The following MICAL2 variants were observed in gnomAD, a reference collection of about 807,000 sequenced individuals.
MICAL2 encodes the protein microtubule associated monooxygenase, calponin and LIM domain containing 2, also known as [F-actin]-monooxygenase MICAL2.
A neutral mutation model predicts 127.3 loss-of-function variants in MICAL2; 77 were observed. The observed-to-expected ratio is 0.60, with a 90% CI of 0.50 to 0.73. The LOEUF (loss-of-function observed/expected upper bound fraction) is 0.73. MICAL2 is among the 30% of genes least tolerant of loss of function. The pLI is 0.00. For synonymous variants in MICAL2, 570 were observed against 551.1 expected (o/e 1.03, Z -0.48); for missense variants, 1,351 against 1,434.4 (o/e 0.94, Z 0.94).
At chr11:12,305,530 TA>T (rs1328490586) in intron 29 of MICAL2, among the ~76,000 whole-genome samples, 1 of 152,200 alleles carries the variant, frequency 6.6e-6, no homozygotes, top group Non-Finnish European at 1.5e-5. Context: ...ATACCTATGA[TA>T]AAATTTAACT....
intron 1 of MICAL2, among the ~76,000 whole-genome samples, chr11:12,127,291 C>T (rs1851008148): frequency 6.6e-6 from 1 of 152,164 alleles, no homozygotes; most frequent in African/African-American, 2.4e-5. Context: ...TCTTCTTAGG[C>T]ATTTTACATG....
At chr11:12,276,166 G>C (rs997450228) in exon 1 of MICAL2, 21 of 399,178 alleles carry the variant, frequency 5.3e-5, no homozygotes, top group Non-Finnish European at 9.3e-5. Context: ...GAAGACAGCA[G>C]GTATGCTCAG....
At chr11:12,265,892 G>A (rs567292247), downstream of MICAL2, among the ~76,000 whole-genome samples, 2 of 152,266 alleles carry the variant, frequency 1.3e-5, no homozygotes, top group South Asian at 4.1e-4. Flanking sequence ...GAGGCGGGCA[G>A]ATCACTTGAG....
chr11:12,265,797 G>C (rs531441966), downstream of MICAL2, among the ~76,000 whole-genome samples: 1 of 152,242 alleles, frequency 6.6e-6, no homozygotes, highest in African/African-American at 2.4e-5. Flanking sequence ...ATTCCTACTT[G>C]GTTTTTAAAG....
intron 3 of MICAL2, among the ~76,000 whole-genome samples, chr11:12,169,181 A>T (rs1855933950): frequency 6.6e-6 from 1 of 151,788 alleles, no homozygotes; most frequent in African/African-American, 2.4e-5. Context: ...TGTGTTATGG[A>T]TGCATGCACT....
chr11:12,190,602 GT>G (rs1156920697), intron 3 of MICAL2, among the ~76,000 whole-genome samples: 2 of 152,188 alleles, frequency 1.3e-5, no homozygotes, highest in Admixed American at 1.3e-4. Flanking sequence ...CATATGTTAG[GT>G]GACAATATCT....
chr11:12,210,761 T>C (rs1291492543), intron 6 of MICAL2, among the ~76,000 whole-genome samples: 1 of 152,192 alleles, frequency 6.6e-6, no homozygotes, highest in East Asian at 1.9e-4. Flanking sequence ...ATGGAGCCAT[T>C]TGAGCCACTC....
At chr11:12,206,075 A>G (rs754419750) in intron 4 of MICAL2, among the ~76,000 whole-genome samples, 2 of 152,240 alleles carry the variant, frequency 1.3e-5, no homozygotes, top group Non-Finnish European at 2.9e-5. Context: ...CCAGGAGTCC[A>G]GTGGAAATTT....
intron 2 of MICAL2, among the ~76,000 whole-genome samples, chr11:12,283,327 G>A (rs1324583913): frequency 2.1e-5 from 3 of 139,860 alleles, no homozygotes; most frequent in Non-Finnish European, 3.0e-5. Flanking sequence ...AAGACTCCTG[G>A]TTGCAGTGTG....
At chr11:12,182,769 C>T (rs1159698989) in intron 3 of MICAL2, among the ~76,000 whole-genome samples, 1 of 152,138 alleles carries the variant, frequency 6.6e-6, no homozygotes, top group Non-Finnish European at 1.5e-5. Flanking sequence ...CCTTTCTGAC[C>T]CTCCTCCCAC....
At chr11:12,342,769 C>T (rs1024357719) in intron 32 of MICAL2, among the ~76,000 whole-genome samples, 2 of 152,196 alleles carry the variant, frequency 1.3e-5, no homozygotes, top group Admixed American at 6.5e-5. Flanking sequence ...GGCAGACAGA[C>T]GTGAGGTTAC....
intron 3 of MICAL2, among the ~76,000 whole-genome samples, chr11:12,199,984 T>C (rs1860477230): frequency 6.6e-6 from 1 of 152,136 alleles, no homozygotes; most frequent in Non-Finnish European, 1.5e-5. Flanking sequence ...AATCTGCAAA[T>C]GTGAACCCCC....
intron 24 of MICAL2, chr11:12,257,201 C>T: frequency 2.1e-6 from 1 of 470,306 alleles, no homozygotes; most frequent in Non-Finnish European, 3.7e-6. Flanking sequence ...CATACCAGGT[C>T]CTGGTGGGCA....
At chr11:12,360,775 G>A (rs1939194599), downstream of MICAL2, among the ~76,000 whole-genome samples, 1 of 152,216 alleles carries the variant, frequency 6.6e-6, no homozygotes, top group Non-Finnish European at 1.5e-5. Flanking sequence ...CACAGGCTGT[G>A]CTCTGTGGTT....
chr11:12,339,999 T>C (rs1938833268), intron 32 of MICAL2, among the ~76,000 whole-genome samples: 1 of 152,162 alleles, frequency 6.6e-6, no homozygotes, highest in South Asian at 2.1e-4. Context: ...AAATCACCCA[T>C]CTTCTGCGTC....
intron 20 of MICAL2, chr11:12,243,441 C>A (rs1391962232): frequency 6.4e-6 from 1 of 156,422 alleles, no homozygotes; most frequent in Non-Finnish European, 1.4e-5. Flanking sequence ...TCACAGCACA[C>A]CTGTCCCTAG....
chr11:12,176,171 G>C (rs985772920), intron 3 of MICAL2, among the ~76,000 whole-genome samples: 1 of 152,160 alleles, frequency 6.6e-6, no homozygotes, highest in African/African-American at 2.4e-5. Flanking sequence ...GCAGATCAGG[G>C]ACAGGCTGAA....
In MICAL2 at chr11:12,143,997, C is replaced by T. The variant is rs116854782; in HGVS notation, c.-78+5537C>T. ...TCTTGTCTCCTGGGCGTGGTTGTTCCTGCACACCCCCACTTTAATGAATAC... is the reference window on the plus strand; with the variant it reads ...TCTTGTCTCCTGGGCGTGGTTGTTCTTGCACACCCCCACTTTAATGAATAC... On this transcript the variant is annotated intron_variant, in intron 2 of 27. Coordinates refer to ENST00000683283, the MANE Select transcript of MICAL2 (RefSeq NM_001282663.2). 7.0e-4 allele frequency among the ~76,000 whole-genome samples: 107 copies of T among 152,112 alleles called. 1 individual carries two copies. The East Asian group carries it at 0.019, about 27-fold the overall frequency.
chr11:12,222,111 C>A (rs1427784494), intron 10 of MICAL2, among the ~76,000 whole-genome samples: 5 of 152,278 alleles, frequency 3.3e-5, no homozygotes, highest in Non-Finnish European at 5.9e-5. Flanking sequence ...AGTCTCCTGT[C>A]CTGGATGGGG....
Sources: gnomAD v4.1 joint callset for allele counts (sites outside exome capture counted in the v4.1 genomes callset) on GRCh38, gnomAD v4.1.1 for gene constraint, MANE v1.5 for transcripts, NCBI Gene and HGNC (gene_info 2026-07-23, HGNC 2026-07-21) for gene names.